GRK5: variants seen among roughly 807,000 people sequenced by gnomAD.
The protein encoded by GRK5 is G protein-coupled receptor kinase 5, also known as g protein-coupled receptor kinase GRK5.
GRK5 carries 40 observed loss-of-function variants against 78.4 expected under a neutral mutation model. The observed-to-expected ratio is 0.51, with a 90% CI of 0.40 to 0.66. GRK5 has a LOEUF of 0.66. Ranked by LOEUF, GRK5 falls within the 30% of genes least tolerant of loss-of-function variation. GRK5 has a pLI of 0.00. For synonymous variants in GRK5, 289 were observed against 296.8 expected (o/e 0.97, Z 0.27); for missense variants, 598 against 759.9 (o/e 0.79, Z 2.50).
In GRK5 at chr10:119,253,689, C is replaced by T. The variant is rs570456345; in HGVS notation, c.52+45720C>T. Among the ~76,000 whole-genome samples, 18 of 152,256 alleles carry T rather than the reference C, an allele frequency of 1.2e-4. No homozygotes were observed. Among genetic ancestry groups the T allele is most frequent in the South Asian group, 1.0e-3 (5 of 4,822 alleles). The stretch of plus-strand genomic sequence containing the variant: ...GGCTCTGGGCAGCCCAGCCCAGCTC[C>T]GGGGTGGATGCAAGGCCTGAGAGTG... On this transcript the variant is annotated intron_variant, in intron 1 of 15. Transcript: ENST00000392870. This position sits in a 1 kb window ranked among gnomAD's most constrained non-coding sequence, Gnocchi z 5.7.
At chr10:119,401,348 G>A (rs1227562842) in intron 4 of GRK5, among the ~76,000 whole-genome samples, 3 of 152,170 alleles carry the variant, frequency 2.0e-5, no homozygotes, top group African/African-American at 7.2e-5. Context: ...ACCCTGCCTC[G>A]AATCCTGCAT....
At chr10:119,388,754 C>T (rs1851838762) in intron 3 of GRK5, among the ~76,000 whole-genome samples, 1 of 152,236 alleles carries the variant, frequency 6.6e-6, no homozygotes, top group Non-Finnish European at 1.5e-5. Flanking sequence ...GGCTCAAGGT[C>T]TCTCATGAGG....
chr10:119,287,844 A>G lies in GRK5; in HGVS notation c.53-38672A>G, dbSNP rs188799078. 6.7e-4 allele frequency among the ~76,000 whole-genome samples: 102 copies of G among 152,302 alleles called. 2 individuals carry two copies. In the East Asian group the frequency reaches 0.019, roughly 28 times the overall value. ...AGTCATCTCCCCCATACCATAGAGG[A>G]CGCTGAGGCTTTCAGGTGAAGTGAG... On this transcript the variant is annotated intron_variant, in intron 1 of 15. Coordinates refer to ENST00000392870, the MANE Select transcript of GRK5 (RefSeq NM_005308.3).
At chr10:119,424,875 C>A in intron 5 of GRK5, 118 bp from the exon 6 acceptor site, 1 of 735,774 alleles carries the variant, frequency 1.4e-6, no homozygotes, top group South Asian at 1.5e-5. Context: ...AGACGTGCTG[C>A]ATCTGCATGG....
At chr10:119,444,000 G>T (rs1483063929) in intron 12 of GRK5, among the ~76,000 whole-genome samples, 1 of 152,082 alleles carries the variant, frequency 6.6e-6, no homozygotes, top group Non-Finnish European at 1.5e-5. Flanking sequence ...GAGGGGTGAG[G>T]GGAACAGTGT....
chr10:119,382,405 A>G (rs1851727082), intron 3 of GRK5, among the ~76,000 whole-genome samples: 1 of 152,204 alleles, frequency 6.6e-6, no homozygotes, highest in Non-Finnish European at 1.5e-5. Flanking sequence ...GGGGCCTAGT[A>G]TTTTAATAAC....
chr10:119,276,132 T>G (rs1389221439), intron 1 of GRK5, among the ~76,000 whole-genome samples: 2 of 152,206 alleles, frequency 1.3e-5, no homozygotes, highest in Non-Finnish European at 2.9e-5. Flanking sequence ...TTTTTTTTAT[T>G]ACACTTTAAG....
intron 1 of GRK5, among the ~76,000 whole-genome samples, chr10:119,209,804 C>T (rs1481385337): frequency 6.6e-6 from 1 of 151,994 alleles, no homozygotes; most frequent in Non-Finnish European, 1.5e-5. Context: ...CTCCTGTTGC[C>T]CAGGGAATCT....
intron 1 of GRK5, among the ~76,000 whole-genome samples, chr10:119,313,389 T>A (rs555237662): frequency 1.3e-5 from 2 of 151,904 alleles, no homozygotes; most frequent in Admixed American, 6.5e-5. Flanking sequence ...TGGCAATGGC[T>A]ACATTTAGTG....
At chr10:119,443,459 G>T in intron 11 of GRK5, 85 bp from the exon 12 acceptor site, 2 of 1,265,886 alleles carry the variant, frequency 1.6e-6, no homozygotes, top group Non-Finnish European at 1.1e-6. Context: ...AGTTGGTGGC[G>T]GCCATGAAAC....
chr10:119,310,832 C>T (rs1850346131), intron 1 of GRK5, among the ~76,000 whole-genome samples: 1 of 152,094 alleles, frequency 6.6e-6, no homozygotes, highest in Non-Finnish European at 1.5e-5. Context: ...GTTATTAAGC[C>T]AATTGGGAAA....
chr10:119,291,627 T>TCCTCCTCCTCCTCCTCCTCCTCCTCC (rs1849961620), intron 1 of GRK5, among the ~76,000 whole-genome samples: 2 of 107,188 alleles, frequency 1.9e-5, no homozygotes, highest in Non-Finnish European at 2.0e-5. Context: ...CTTCCTCCTC[T>TCCTCCTCCTCCTCCTCCTCCTCCTCC]TCCTCCTTCT....
At chr10:119,225,724 G>A (rs569683683) in intron 1 of GRK5, among the ~76,000 whole-genome samples, 3 of 149,254 alleles carry the variant, frequency 2.0e-5, no homozygotes, top group South Asian at 4.2e-4. Context: ...AGGCTGGAGT[G>A]CAATGGCGCG....
intron 13 of GRK5, among the ~76,000 whole-genome samples, chr10:119,451,921 C>T (rs1037022305): frequency 2.0e-5 from 3 of 152,190 alleles, no homozygotes; most frequent in Non-Finnish European, 4.4e-5. Flanking sequence ...GTCACCAGGT[C>T]TGGGGATCCC....
intron 1 of GRK5, among the ~76,000 whole-genome samples, chr10:119,323,969 A>G (rs1850630920): frequency 6.6e-6 from 1 of 152,162 alleles, no homozygotes; most frequent in African/African-American, 2.4e-5. Flanking sequence ...TGAACAAGCA[A>G]GCAGACAAAC....
Position 119,445,672 on chromosome 10 carries a change from C to A in GRK5, c.1266+1920C>A, listed in dbSNP as rs568269437. Among the ~76,000 whole-genome samples, 19 of 152,196 alleles carry A rather than the reference C, an allele frequency of 1.2e-4. No individual in the cohort carries two copies. The highest frequency in any genetic ancestry group is 5.9e-4 in the Admixed American group (9 of 15,288). ...GGAGTCTAGTCTTAGGCCTCCTTCACGCCCTTGACTGCAGCATCTCCGGCA... is the reference window on the plus strand; with the variant it reads ...GGAGTCTAGTCTTAGGCCTCCTTCAAGCCCTTGACTGCAGCATCTCCGGCA... On this transcript the variant is annotated intron_variant, in intron 12 of 15. Coordinates refer to ENST00000392870, the MANE Select transcript of GRK5 (RefSeq NM_005308.3). The surrounding 1 kb of genome is among the most constrained non-coding windows in gnomAD (Gnocchi z 4.1).
chr10:119,418,628 G>A (rs1852510620), intron 4 of GRK5, among the ~76,000 whole-genome samples: 1 of 152,248 alleles, frequency 6.6e-6, no homozygotes, highest in Admixed American at 6.5e-5. Flanking sequence ...AGCTTCAGCT[G>A]TGCAAGGCCA....
Position 119,419,909 on chromosome 10 carries a change from C to G in GRK5, c.340-3257C>G, listed in dbSNP as rs539633906. On this transcript the variant is annotated intron_variant, in intron 4 of 15. Coordinates refer to ENST00000392870, the MANE Select transcript of GRK5 (RefSeq NM_005308.3). ...TTGCCTCTGCTATGGGACCAAACAG[C>G]ACCCTGGTCCTCATGCTGAGCTCTG... 6.6e-5 allele frequency among the ~76,000 whole-genome samples: 10 copies of G among 152,316 alleles called. No homozygotes were observed. The South Asian group carries it at 1.7e-3, about 25-fold the overall frequency.
chr10:119,225,670 C>CTTT (rs35238730), intron 1 of GRK5, among the ~76,000 whole-genome samples: 4 of 114,972 alleles, frequency 3.5e-5, no homozygotes, highest in Admixed American at 8.9e-5. Context: ...CTCTCTCTCT[C>CTTT]TTTTTTTTTT....
Sources: allele counts gnomAD v4.1 joint callset (sites outside exome capture counted in the v4.1 genomes callset), GRCh38; gene constraint gnomAD v4.1.1; non-coding constraint Gnocchi (gnomAD v3.1); transcripts MANE v1.5; gene names NCBI Gene and HGNC (gene_info 2026-07-23, HGNC 2026-07-21).